KAT14: variants seen among roughly 807,000 people sequenced by gnomAD.
The protein encoded by KAT14 is cysteine-rich protein 2-binding protein.
In KAT14, 66 loss-of-function variants were observed where a neutral mutation model predicts 78.4. That is an observed-to-expected ratio of 0.84 (90% CI 0.69 to 1.03). KAT14 has a LOEUF of 1.03. KAT14 is among the 50% of genes least tolerant of loss of function. The pLI is 0.00. For missense variants in KAT14, 870 were observed against 972.5 expected (o/e 0.89, Z 1.40); for synonymous variants, 344 against 359.4 (o/e 0.96, Z 0.48).
chr20:18,183,463 C>G (rs1353248244), intron 9 of KAT14, 165 bp downstream of exon 9: 12 of 974,552 alleles, frequency 1.2e-5, no homozygotes, highest in Non-Finnish European at 1.3e-5. Flanking sequence ...CTTGCTTTCC[C>G]AAAATCTAGA....
intron 4 of KAT14, among the ~76,000 whole-genome samples, chr20:18,154,998 C>A (rs1303115236): frequency 6.6e-6 from 1 of 152,136 alleles, no homozygotes; most frequent in African/African-American, 2.4e-5. Flanking sequence ...TAACTTGTTT[C>A]TACAATGGTA....
intron 3 of KAT14, among the ~76,000 whole-genome samples, chr20:18,147,410 T>G (rs1307526409): frequency 1.3e-5 from 2 of 152,214 alleles, no homozygotes; most frequent in African/African-American, 4.8e-5. Flanking sequence ...GTATTTGTCC[T>G]GCAAGTTGTT....
intron 3 of KAT14, among the ~76,000 whole-genome samples, chr20:18,146,517 G>A (rs1287759409): frequency 3.9e-5 from 6 of 152,114 alleles, no homozygotes; most frequent in Non-Finnish European, 7.3e-5. Context: ...AAATTAGCTG[G>A]GTGCGGTGGC....
Position 18,154,822 on chromosome 20 carries a change from T to A in KAT14, c.500+3880T>A, listed in dbSNP as rs117100279. On this transcript the variant is annotated intron_variant, in intron 4 of 10. Transcript: ENST00000688188. ...AGATGTCAAAATTTGCAAAATTACGTATCTTAAAATCAGTAAAATATGGTA... is the reference window on the plus strand; with the variant it reads ...AGATGTCAAAATTTGCAAAATTACGAATCTTAAAATCAGTAAAATATGGTA... Among the ~76,000 whole-genome samples the A allele has an allele frequency of 1.9e-3, 284 of 152,320 alleles. 4 individuals are homozygous for A. In the East Asian group the frequency reaches 0.044, roughly 24 times the overall value.
chr20:18,141,613 A>C (rs544171826), intron 1 of KAT14, among the ~76,000 whole-genome samples: 1 of 152,346 alleles, frequency 6.6e-6, no homozygotes, highest in African/African-American at 2.4e-5. Flanking sequence ...GGCCGGGTGC[A>C]GTGGCTCACG....
intron 3 of KAT14, among the ~76,000 whole-genome samples, chr20:18,149,556 TTGAG>T: frequency 6.6e-6 from 1 of 152,312 alleles, no homozygotes; most frequent in African/African-American, 2.4e-5. Flanking sequence ...CTGGGCCCCT[TTGAG>T]TGGTGTAGAT....
chr20:18,186,313 A>G (rs1183367650), intron 10 of KAT14, among the ~76,000 whole-genome samples: 1 of 152,206 alleles, frequency 6.6e-6, no homozygotes, highest in African/African-American at 2.4e-5. Context: ...CGGTGAGATC[A>G]CGTATATTTG....
chr20:18,179,101 G>T (rs2039155620), intron 7 of KAT14, among the ~76,000 whole-genome samples: 1 of 152,172 alleles, frequency 6.6e-6, no homozygotes, highest in African/African-American at 2.4e-5. Flanking sequence ...TTACATCCAG[G>T]TCACACTGAT....
intron 7 of KAT14, among the ~76,000 whole-genome samples, chr20:18,178,600 G>C (rs1283441674): frequency 1.3e-5 from 2 of 152,120 alleles, no homozygotes; most frequent in African/African-American, 2.4e-5. Context: ...GATCTCGTGA[G>C]ACTTATTCAC....
intron 7 of KAT14, among the ~76,000 whole-genome samples, chr20:18,170,322 G>A (rs943324288): frequency 1.3e-5 from 2 of 152,168 alleles, no homozygotes; most frequent in African/African-American, 2.4e-5. Flanking sequence ...CAAGCCAACT[G>A]TCTTGTTAGG....
chr20:18,183,495 T>C, intron 9 of KAT14, 197 bp downstream of exon 9: 1 of 983,862 alleles, frequency 1.0e-6, no homozygotes, highest in Non-Finnish European at 1.2e-6. Flanking sequence ...ATAAACAGTG[T>C]TTTTGTTTGT....
chr20:18,160,111 G>C (rs2038363452), intron 5 of KAT14, among the ~76,000 whole-genome samples: 1 of 152,186 alleles, frequency 6.6e-6, no homozygotes, highest in Non-Finnish European at 1.5e-5. Flanking sequence ...ATGTTGGCCA[G>C]GCTGATCTCG....
intron 4 of KAT14, among the ~76,000 whole-genome samples, chr20:18,154,837 A>G (rs2038167922): frequency 6.6e-6 from 1 of 152,230 alleles, no homozygotes; most frequent in Admixed American, 6.5e-5. Flanking sequence ...TAAAATCAGT[A>G]AAATATGGTA....
At chr20:18,171,739 G>A (rs1254582356) in intron 7 of KAT14, among the ~76,000 whole-genome samples, 1 of 152,206 alleles carries the variant, frequency 6.6e-6, no homozygotes. Context: ...TTGAACCTGG[G>A]AGGTGGAGGT....
chr20:18,141,036 T>TTTTA (rs1568661481), intron 1 of KAT14, among the ~76,000 whole-genome samples: 20 of 21,324 alleles, frequency 9.4e-4, no homozygotes, highest in Non-Finnish European at 1.4e-3. Flanking sequence ...TTTTTTTTTT[T>TTTTA]TTTTTTTTTT....
chr20:18,187,476 A>G lies in KAT14; in HGVS notation c.*17A>G, dbSNP rs768413004. On this transcript the variant is annotated 3_prime_UTR_variant, in exon 11 of 11. Transcript: ENST00000688188. ...CGGCGCTGATGCGAATACAGCTCAC[A>G]GAGAAACGCATGTGCTATTGGAGAA... 6.2e-7 allele frequency: 1 copy of G among 1,613,594 alleles called. No homozygotes were observed. Among genetic ancestry groups the G allele is most frequent in the Non-Finnish European group, 8.5e-7 (1 of 1,179,854 alleles).
chr20:18,151,337 C>G (rs1448097245), intron 4 of KAT14, among the ~76,000 whole-genome samples: 1 of 152,010 alleles, frequency 6.6e-6, no homozygotes, highest in Non-Finnish European at 1.5e-5. Context: ...GCTGGGATTA[C>G]AGGCACCTGC....
intron 7 of KAT14, among the ~76,000 whole-genome samples, chr20:18,177,223 G>A (rs911066004): frequency 6.6e-6 from 1 of 152,128 alleles, no homozygotes; most frequent in Non-Finnish European, 1.5e-5. Context: ...TAACCTGAGA[G>A]CTAGTTTGGG....
In KAT14 at chr20:18,142,380, G is replaced by T; in HGVS notation, c.-281G>T. On this transcript the variant is annotated 5_prime_UTR_variant, in exon 2 of 11. Coordinates refer to ENST00000688188, the MANE Select transcript of KAT14 (RefSeq NM_001392073.1). Reference sequence around the variant, plus strand: ...TGACTTGAATGTGAAATATCTGTTGGACAGACAACACGAGTTTGTGTGTGT... The same window carrying T: ...TGACTTGAATGTGAAATATCTGTTGTACAGACAACACGAGTTTGTGTGTGT... 1 of 1,531,242 alleles carries T rather than the reference G, an allele frequency of 6.5e-7. No homozygotes were observed. The highest frequency in any genetic ancestry group is 1.4e-5 in the African/African-American group (1 of 73,000). 94.9% of individuals were successfully genotyped at this position (1,531,242 alleles called of 1,614,324 possible).
Sources: allele counts gnomAD v4.1 joint callset (sites outside exome capture counted in the v4.1 genomes callset), GRCh38; gene constraint gnomAD v4.1.1; transcripts MANE v1.5; gene names NCBI Gene and HGNC (gene_info 2026-07-23, HGNC 2026-07-21).